KALRN: variants seen among roughly 807,000 people sequenced by gnomAD.
KALRN encodes the protein kalirin RhoGEF kinase.
In KALRN, 70 loss-of-function variants were observed where a neutral mutation model predicts 353.7. The ratio of observed to expected loss-of-function variants is 0.20; its 90% CI spans 0.16 to 0.24. The LOEUF (loss-of-function observed/expected upper bound fraction) is 0.24, where lower values mean the gene tolerates loss of function less well. Among genes scored for constraint, KALRN ranks in the 10% least tolerant of loss-of-function variants. KALRN has a pLI of 1.00. For missense variants in KALRN, 2,791 were observed against 3,756.7 expected, an observed-to-expected ratio of 0.74 and a Z score of 6.72; for synonymous variants, 1,391 against 1,434.8, an observed-to-expected ratio of 0.97 and a Z score of 0.69.
chr3:124,674,416 A>G lies in KALRN; in HGVS notation c.6995A>G (p.Tyr2332Cys), dbSNP rs1429302725. ...TCGTCCATGGCCGTGATCAAAGATT[A>G]CTATGCACTGAAGGAGAATGAAATC... is the stretch of plus-strand genomic sequence containing the variant. The part of the protein sequence containing the change: ...GTSSMAVIKD[Y>C]YALKENEICV... The change falls in exon 49 of 60, where the codon TAC becomes TGC. Residue 2332 changes from tyrosine (Y) to cysteine (C), a missense_variant. Tyr to Cys is a radical substitution (Grantham distance 194). This residue lies in a region of KALRN where 1,065 missense variants were observed against 1,156.4 expected (regional missense o/e 0.92). Coordinates refer to ENST00000682506, the MANE Select transcript of KALRN (RefSeq NM_001388419.1). 4 of 1,613,954 alleles carry G rather than the reference A, an allele frequency of 2.5e-6. No individual in the cohort carries two copies. The highest frequency in any genetic ancestry group is 2.2e-5 in the East Asian group (1 of 44,872).
At position 124,446,653 on chromosome 3, in the gene KALRN, G is replaced by A. The variant is rs865908364; in HGVS notation, c.3430-110G>A. 6 of 1,344,674 alleles carry A rather than the reference G, an allele frequency of 4.5e-6. No homozygotes were observed. In the African/African-American group the frequency reaches 8.8e-5, roughly 20 times the overall value. 83.3% of individuals were successfully genotyped at this position (1,344,674 alleles called of 1,614,324 possible). A position where few individuals can be genotyped will look rare whatever the true frequency, so the allele number is the denominator to read the frequency against. ...GCTACATACCAATCAAATTGTCAGT[G>A]TTTCCTGGGTCCATTAAGTTGTCCC... On this transcript the variant is annotated intron_variant, in intron 20 of 59. Transcript: ENST00000682506.
intron 1 of KALRN, among the ~76,000 whole-genome samples, chr3:124,225,076 G>A (rs114827597): frequency 0.015 from 2,313 of 152,284 alleles, 32 homozygotes; most frequent in South Asian, 0.038. Context: ...GTTTGAGTTA[G>A]CATTCAATGA....
chr3:124,459,097 A>G (rs545908861), intron 23 of KALRN, among the ~76,000 whole-genome samples: 2 of 152,326 alleles, frequency 1.3e-5, no homozygotes, highest in South Asian at 4.1e-4. Flanking sequence ...GGGCCAGAAG[A>G]AAATAAGGCA....
At chr3:124,652,499 A>C (rs1325000789) in intron 38 of KALRN, among the ~76,000 whole-genome samples, 3 of 152,250 alleles carry the variant, frequency 2.0e-5, no homozygotes, top group African/African-American at 7.2e-5. Context: ...CTGATGTCTT[A>C]GTCCTTTGTC....
intron 21 of KALRN, among the ~76,000 whole-genome samples, chr3:124,449,683 A>G (rs1333499255): frequency 6.6e-6 from 1 of 152,198 alleles, no homozygotes; most frequent in Non-Finnish European, 1.5e-5. Context: ...CCTCATGCCC[A>G]TTAGCAGTCA....
intron 59 of KALRN, 43 bp from the exon 60 acceptor site, chr3:124,718,882 T>G: frequency 6.3e-7 from 1 of 1,587,978 alleles, no homozygotes; most frequent in South Asian, 1.1e-5. Context: ...AATAGAGGCC[T>G]AAACTTCCCT....
chr3:124,314,654 T>C (rs2078632129), intron 6 of KALRN, among the ~76,000 whole-genome samples: 1 of 152,116 alleles, frequency 6.6e-6, no homozygotes, highest in Non-Finnish European at 1.5e-5. Flanking sequence ...GACACTGGCA[T>C]GTAGAGGTCA....
Position 124,311,064 on chromosome 3 carries a change from C to CTTTTT in KALRN, c.1092+12175_1092+12179dup, listed in dbSNP as rs71145446. ...TCAAAACCACAATGAGATACTACTT[C>CTTTTT]TTTTTTTTTTTTTTTTTTTTTTTTT... is the stretch of plus-strand genomic sequence containing the variant. On this transcript the variant is annotated intron_variant, in intron 6 of 59. Transcript: ENST00000682506. Among the ~76,000 whole-genome samples, 84 of 67,528 alleles carry CTTTTT rather than the reference C, an allele frequency of 1.2e-3. 13 individuals carry two copies. Among genetic ancestry groups the CTTTTT allele is most frequent in the East Asian group, 8.8e-3 (16 of 1,818 alleles). The allele number at this position is 67,528 out of a possible 152,430, so 44.3% of individuals were successfully genotyped here. A position where few individuals can be genotyped will look rare whatever the true frequency, so the allele number is the denominator to read the frequency against.
intron 6 of KALRN, among the ~76,000 whole-genome samples, chr3:124,313,402 T>C (rs905458149): frequency 2.6e-5 from 4 of 152,248 alleles, no homozygotes; most frequent in African/African-American, 9.6e-5. Flanking sequence ...CCTGTTCTTA[T>C]CAATCAAGTT....
chr3:124,580,887 C>G (rs769679972), intron 34 of KALRN, among the ~76,000 whole-genome samples: 1 of 151,680 alleles, frequency 6.6e-6, no homozygotes, highest in African/African-American at 2.4e-5. Flanking sequence ...GGGGGCAGAT[C>G]GCTTGAGCCC....
chr3:124,449,854 ATGC>A, intron 21 of KALRN, among the ~76,000 whole-genome samples: 1 of 59,942 alleles, frequency 1.7e-5, no homozygotes. Flanking sequence ...GGATTCATCC[ATGC>A]TATTCGCATG....
intron 1 of KALRN, among the ~76,000 whole-genome samples, chr3:124,213,600 T>G (rs1260130291): frequency 6.6e-6 from 1 of 152,194 alleles, no homozygotes; most frequent in Non-Finnish European, 1.5e-5. Flanking sequence ...AGAGATTCAT[T>G]CAACAGATAT....
At chr3:124,178,254 C>G (rs1389749526) in intron 1 of KALRN, among the ~76,000 whole-genome samples, 3 of 152,142 alleles carry the variant, frequency 2.0e-5, no homozygotes, top group African/African-American at 7.2e-5. Flanking sequence ...GTACCAAACC[C>G]TACATATACT....
chr3:124,641,626 TATG>T (rs1389457247), intron 37 of KALRN, among the ~76,000 whole-genome samples: 5 of 152,194 alleles, frequency 3.3e-5, no homozygotes, highest in Non-Finnish European at 7.3e-5. Flanking sequence ...CCAACAGAGT[TATG>T]ATGATAATTG....
At chr3:124,618,365 T>C (rs1368458074) in intron 34 of KALRN, among the ~76,000 whole-genome samples, 1 of 151,918 alleles carries the variant, frequency 6.6e-6, no homozygotes, top group Non-Finnish European at 1.5e-5. Flanking sequence ...TCCGCCCACC[T>C]CGGCCTCTCA....
intron 1 of KALRN, among the ~76,000 whole-genome samples, chr3:124,159,393 C>T (rs896048886): frequency 1.3e-5 from 2 of 152,146 alleles, no homozygotes; most frequent in African/African-American, 4.8e-5. Context: ...ACCTCAGCCC[C>T]CCAAGTAGCT....
chr3:124,080,978 A>G (rs2060511484), intron 1 of KALRN, among the ~76,000 whole-genome samples: 1 of 152,192 alleles, frequency 6.6e-6, no homozygotes, highest in African/African-American at 2.4e-5. Context: ...TTCCACCTAA[A>G]GCTCACTGTA....
intron 1 of KALRN, among the ~76,000 whole-genome samples, chr3:124,048,759 A>G (rs958389533): frequency 6.6e-6 from 1 of 152,202 alleles, no homozygotes; most frequent in African/African-American, 2.4e-5. Flanking sequence ...CTGGGATTAC[A>G]GGCGTGAGCC....
At chr3:124,506,357 T>C (rs2065227455) in intron 33 of KALRN, among the ~76,000 whole-genome samples, 1 of 152,228 alleles carries the variant, frequency 6.6e-6, no homozygotes, top group East Asian at 1.9e-4. Flanking sequence ...GCCCTGGTTG[T>C]GTTGAGCACG....
Sources: allele counts gnomAD v4.1 joint callset (sites outside exome capture counted in the v4.1 genomes callset), GRCh38; gene constraint gnomAD v4.1.1; regional missense constraint gnomAD v4.1.1; transcripts MANE v1.5; gene names NCBI Gene and HGNC (gene_info 2026-07-23, HGNC 2026-07-21).